Variants in VPS13B observed in about 807,000 individuals in gnomAD.
The protein encoded by VPS13B is intermembrane lipid transfer protein VPS13B.
Under a neutral mutation model 426.4 loss-of-function variants are expected in VPS13B, and 285 were observed. That is an observed-to-expected ratio of 0.67 (90% CI 0.61 to 0.74). The LOEUF (loss-of-function observed/expected upper bound fraction) is 0.74. Ranked by LOEUF, VPS13B falls within the 30% of genes least tolerant of loss-of-function variation. VPS13B has a pLI of 0.00. For synonymous variants in VPS13B, 1,676 were observed against 1,676.4 expected, an observed-to-expected ratio of 1.00 and a Z score of 0.01; for missense variants, 4,537 against 4,782.6, an observed-to-expected ratio of 0.95 and a Z score of 1.51.
At chr8:99,158,556 G>A (rs1459693614) in intron 15 of VPS13B, among the ~76,000 whole-genome samples, 1 of 152,050 alleles carries the variant, frequency 6.6e-6, no homozygotes, top group Admixed American at 6.5e-5. Flanking sequence ...TAATGTACCT[G>A]GTGACTTCTT....
At chr8:99,752,857 G>A (rs1810467341) in intron 39 of VPS13B, among the ~76,000 whole-genome samples, 1 of 152,110 alleles carries the variant, frequency 6.6e-6, no homozygotes, top group African/African-American at 2.4e-5. Context: ...CATGTAACAA[G>A]TTGTCACAGT....
chr8:99,029,065 G>T (rs1335756070), intron 2 of VPS13B, among the ~76,000 whole-genome samples: 1 of 150,884 alleles, frequency 6.6e-6, no homozygotes, highest in African/African-American at 2.4e-5. Flanking sequence ...CTCAGACGGG[G>T]CGGCCGGGCA....
At chr8:99,433,960 C>T (rs990080562) in intron 22 of VPS13B, among the ~76,000 whole-genome samples, 2 of 152,046 alleles carry the variant, frequency 1.3e-5, no homozygotes, top group African/African-American at 4.8e-5. Flanking sequence ...CGCCCACCAC[C>T]ACGCCCAGCT....
intron 21 of VPS13B, among the ~76,000 whole-genome samples, chr8:99,397,484 T>G (rs1022613411): frequency 1.3e-5 from 2 of 152,170 alleles, no homozygotes; most frequent in Non-Finnish European, 2.9e-5. Flanking sequence ...CTGACCTCAT[T>G]TCAAGGTGTA....
intron 19 of VPS13B, among the ~76,000 whole-genome samples, chr8:99,277,324 AT>A (rs1013149174): frequency 9.9e-5 from 15 of 152,116 alleles, no homozygotes; most frequent in Non-Finnish European, 1.5e-4. Context: ...TATTTATGGT[AT>A]TTTTAAATTT....
chr8:99,410,668 C>A (rs554630305), intron 21 of VPS13B, among the ~76,000 whole-genome samples: 1 of 151,982 alleles, frequency 6.6e-6, no homozygotes, highest in Non-Finnish European at 1.5e-5. Flanking sequence ...CACCCATCTA[C>A]CCGTCATCTA....
At chr8:99,505,378 A>G (rs1193692214) in intron 27 of VPS13B, among the ~76,000 whole-genome samples, 2 of 152,202 alleles carry the variant, frequency 1.3e-5, no homozygotes, top group Non-Finnish European at 1.5e-5. Context: ...ATTTTTATTT[A>G]AAGTGAGAGA....
chr8:99,368,043 G>T (rs1812986111), intron 19 of VPS13B, among the ~76,000 whole-genome samples: 1 of 152,172 alleles, frequency 6.6e-6, no homozygotes, highest in Admixed American at 6.5e-5. Context: ...TTAATTATTG[G>T]GAAAGAAAGA....
At chr8:99,729,300 C>G (rs573343769) in intron 39 of VPS13B, among the ~76,000 whole-genome samples, 2 of 152,206 alleles carry the variant, frequency 1.3e-5, no homozygotes, top group East Asian at 3.8e-4. Flanking sequence ...AAAATTGACT[C>G]AATTTTGCTG....
At chr8:99,208,514 A>G (rs1043030916) in intron 17 of VPS13B, among the ~76,000 whole-genome samples, 17 of 152,210 alleles carry the variant, frequency 1.1e-4, no homozygotes, top group African/African-American at 4.1e-4. Context: ...AATGAAGTGT[A>G]TATCTCATAT....
At chr8:99,562,342 A>G (rs988980725) in intron 31 of VPS13B, among the ~76,000 whole-genome samples, 3 of 140,712 alleles carry the variant, frequency 2.1e-5, no homozygotes, top group Non-Finnish European at 3.0e-5. Flanking sequence ...GTGCAGTGGT[A>G]TGATCTCAGC....
At chr8:99,081,082 C>T (rs1845426493) in intron 3 of VPS13B, among the ~76,000 whole-genome samples, 1 of 152,144 alleles carries the variant, frequency 6.6e-6, no homozygotes, top group South Asian at 2.1e-4. Flanking sequence ...ATGTTAAATT[C>T]TAGGCAGTGG....
chr8:99,652,942 A>T (rs1829881035), intron 34 of VPS13B, among the ~76,000 whole-genome samples: 1 of 152,174 alleles, frequency 6.6e-6, no homozygotes, highest in African/African-American at 2.4e-5. Flanking sequence ...GAGAAAGGTG[A>T]TGAGAAGGTT....
Position 99,320,579 on chromosome 8 carries a change from C to A in VPS13B, c.2824+45325C>A, listed in dbSNP as rs1809922178. Reference sequence around the variant, plus strand: ...ATAGTTACTTTTGGCAATTTTAATGCAACTTATTACTTTGAAAATGTTAGA... The same window carrying A: ...ATAGTTACTTTTGGCAATTTTAATGAAACTTATTACTTTGAAAATGTTAGA... On this transcript the variant is annotated intron_variant, in intron 19 of 61. Coordinates refer to ENST00000357162, the MANE Select transcript of VPS13B (RefSeq NM_152564.5). Among the ~76,000 whole-genome samples, 11 of 152,288 alleles carry A rather than the reference C, an allele frequency of 7.2e-5. 1 individual carries two copies. In the South Asian group the frequency reaches 2.3e-3, roughly 32 times the overall value.
At chr8:99,617,998 A>G (rs565720325) in intron 33 of VPS13B, among the ~76,000 whole-genome samples, 1 of 152,170 alleles carries the variant, frequency 6.6e-6, no homozygotes, top group South Asian at 2.1e-4. Context: ...AGAAAAATGT[A>G]CCCATCTTGG....
intron 61 of VPS13B, among the ~76,000 whole-genome samples, 173 bp downstream of exon 61, chr8:99,871,870 G>A (rs1817435434): frequency 6.6e-6 from 1 of 151,908 alleles, no homozygotes; most frequent in Non-Finnish European, 1.5e-5. Context: ...CGCTGCGAAA[G>A]GGCACTGGGA....
At chr8:99,645,478 C>G (rs751715205) in intron 34 of VPS13B, among the ~76,000 whole-genome samples, 5 of 152,114 alleles carry the variant, frequency 3.3e-5, no homozygotes, top group Non-Finnish European at 7.4e-5. Flanking sequence ...GTAAAGTGAT[C>G]TTAGGCAGTT....
At chr8:99,265,673 T>C (rs918408849) in intron 17 of VPS13B, among the ~76,000 whole-genome samples, 21 of 152,140 alleles carry the variant, frequency 1.4e-4, no homozygotes, top group Admixed American at 6.6e-5. Flanking sequence ...CTGTAGTCAC[T>C]AGATAAAATT....
At chr8:99,100,023 G>C (rs766008179) in intron 4 of VPS13B, among the ~76,000 whole-genome samples, 1 of 152,116 alleles carries the variant, frequency 6.6e-6, no homozygotes, top group Non-Finnish European at 1.5e-5. Context: ...GAGTCTCTAA[G>C]TATGGAGTGA....
Sources: gnomAD v4.1 joint callset for allele counts (sites outside exome capture counted in the v4.1 genomes callset) on GRCh38, gnomAD v4.1.1 for gene constraint, MANE v1.5 for transcripts, NCBI Gene and HGNC (gene_info 2026-07-23, HGNC 2026-07-21) for gene names.